OR51B5: variants seen among roughly 807,000 people sequenced by gnomAD.
The protein encoded by OR51B5 is olfactory receptor 51B5.
For synonymous variants in OR51B5, 186 were observed against 144.8 expected, an observed-to-expected ratio of 1.28 and a Z score of -2.04; for missense variants, 456 against 374.6, an observed-to-expected ratio of 1.22 and a Z score of -1.79.
intron 1 of OR51B5, among the ~76,000 whole-genome samples, chr11:5,415,001 C>A (rs1361696365): frequency 1.3e-5 from 2 of 152,036 alleles, no homozygotes; most frequent in African/African-American, 4.8e-5. Context: ...CACACCTATT[C>A]CAAAATTGAC....
At chr11:5,413,454 G>C (rs1564805456) in intron 1 of OR51B5, among the ~76,000 whole-genome samples, 2 of 152,192 alleles carry the variant, frequency 1.3e-5, no homozygotes, top group Non-Finnish European at 2.9e-5. Context: ...TTGATGACTT[G>C]AGAGAAAAAG....
upstream of OR51B5, chr11:5,346,164 C>G (rs1848987310): frequency 6.6e-6 from 1 of 152,130 alleles, no homozygotes; most frequent in South Asian, 2.1e-4. Flanking sequence ...ACAGGGAAAG[C>G]TAACCAAACT....
At chr11:5,432,750 A>G (rs1850549927) in intron 1 of OR51B5, among the ~76,000 whole-genome samples, 1 of 152,208 alleles carries the variant, frequency 6.6e-6, no homozygotes, top group Non-Finnish European at 1.5e-5. Context: ...AAATTGAATA[A>G]CAGGCCACAG....
chr11:5,460,399 A>G lies in OR51B5; in HGVS notation n.84+45170T>C, dbSNP rs531154769. ...TGTACCCTTGAACGTAAAAGTTTTG[A>G]AAAAAGAAATTCTTCTACTGAATTT... On this transcript the variant is annotated intron_variant and non_coding_transcript_variant, in intron 1 of 4. Coordinates refer to the OR51B5 transcript ENST00000415970. Among the ~76,000 whole-genome samples, 9 of 152,332 alleles carry G rather than the reference A, an allele frequency of 5.9e-5. No homozygotes were observed. The South Asian group carries it at 1.7e-3, about 28-fold the overall frequency.
chr11:5,363,927 T>C (rs899080629), intron 1 of OR51B5, among the ~76,000 whole-genome samples: 1 of 152,114 alleles, frequency 6.6e-6, no homozygotes, highest in Non-Finnish European at 1.5e-5. Flanking sequence ...AATAGGCAAC[T>C]CAGACCCATT....
chr11:5,454,588 T>A (rs1850924299), intron 1 of OR51B5: 3 of 589,972 alleles, frequency 5.1e-6, no homozygotes, highest in Non-Finnish European at 8.9e-6. Flanking sequence ...GAGTTCCAAA[T>A]GAATAGTACA....
At chr11:5,398,236 ATTAG>A (rs1174377450) in intron 1 of OR51B5, among the ~76,000 whole-genome samples, 1 of 152,242 alleles carries the variant, frequency 6.6e-6, no homozygotes, top group African/African-American at 2.4e-5. Context: ...ATTTACATAT[ATTAG>A]TTATTTAAAT....
chr11:5,457,666 C>G (rs1225490675), intron 1 of OR51B5, among the ~76,000 whole-genome samples: 3 of 152,186 alleles, frequency 2.0e-5, no homozygotes, highest in Non-Finnish European at 2.9e-5. Flanking sequence ...TCATTTCTCA[C>G]TGGTATGAGA....
chr11:5,417,372 G>A, intron 1 of OR51B5, among the ~76,000 whole-genome samples: 1 of 152,120 alleles, frequency 6.6e-6, no homozygotes, highest in East Asian at 1.9e-4. Flanking sequence ...CAAGGGCAAG[G>A]ACTTCAGGTC....
chr11:5,368,210 T>G (rs1212048706), intron 1 of OR51B5, among the ~76,000 whole-genome samples: 2 of 152,222 alleles, frequency 1.3e-5, no homozygotes, highest in South Asian at 4.1e-4. Context: ...AAACCTATTG[T>G]TTCATGCTTC....
intron 1 of OR51B5, among the ~76,000 whole-genome samples, chr11:5,446,143 C>T (rs983864167): frequency 6.6e-5 from 10 of 152,060 alleles, no homozygotes; most frequent in African/African-American, 1.7e-4. Flanking sequence ...TTAGGAGATA[C>T]ACCTAATGTA....
At chr11:5,385,766 TACAG>T (rs1564795620) in intron 1 of OR51B5, among the ~76,000 whole-genome samples, 1 of 148,432 alleles carries the variant, frequency 6.7e-6, no homozygotes, top group African/African-American at 2.5e-5. Context: ...TATATAAATA[TACAG>T]ACACATATAT....
chr11:5,424,838 C>T lies in OR51B5; in HGVS notation n.85-77928G>A, dbSNP rs1482605992. ...CTACTAAAAAATAGAAAAAATTAGC[C>T]GGGCGTGGTGGCGGGCGCCTATAGT... On this transcript the variant is annotated intron_variant and non_coding_transcript_variant, in intron 1 of 4. Transcript: ENST00000415970. Among the ~76,000 whole-genome samples, 4 of 105,130 alleles carry T rather than the reference C, an allele frequency of 3.8e-5. 2 individuals are homozygous for T. Among genetic ancestry groups the T allele is most frequent in the African/African-American group, 1.3e-4 (4 of 29,998 alleles). 69.0% of individuals were successfully genotyped at this position (105,130 alleles called of 152,430 possible). A position where few individuals can be genotyped will look rare whatever the true frequency, so the allele number is the denominator to read the frequency against.
At chr11:5,396,112 C>T (rs1452627623) in intron 1 of OR51B5, among the ~76,000 whole-genome samples, 4 of 152,194 alleles carry the variant, frequency 2.6e-5, no homozygotes, top group Non-Finnish European at 4.4e-5. Flanking sequence ...CCCAGAGACA[C>T]TGCTCTTAAC....
At chr11:5,494,331 G>A (rs1851619267) in intron 1 of OR51B5, among the ~76,000 whole-genome samples, 1 of 152,052 alleles carries the variant, frequency 6.6e-6, no homozygotes, top group South Asian at 2.1e-4. Context: ...CTCTTCCTCT[G>A]TGGACTTTAT....
chr11:5,469,131 C>A, intron 1 of OR51B5: 1 of 224,632 alleles, frequency 4.5e-6, no homozygotes, highest in Non-Finnish European at 8.9e-6. Flanking sequence ...GCCAGGCAGG[C>A]ATCAAAAGTT....
chr11:5,415,153 A>G (rs902167772), intron 1 of OR51B5, among the ~76,000 whole-genome samples: 1 of 152,194 alleles, frequency 6.6e-6, no homozygotes, highest in African/African-American at 2.4e-5. Context: ...ATGGAAACTG[A>G]ACAACCTGCT....
intron 1 of OR51B5, among the ~76,000 whole-genome samples, chr11:5,378,631 C>T (rs1243050764): frequency 6.6e-6 from 1 of 152,072 alleles, no homozygotes; most frequent in East Asian, 1.9e-4. Context: ...AACAAACAGC[C>T]CCATCAACAA....
At chr11:5,357,426 C>A (rs1564919304) in intron 1 of OR51B5, among the ~76,000 whole-genome samples, 1 of 151,184 alleles carries the variant, frequency 6.6e-6, no homozygotes, top group African/African-American at 2.4e-5. Context: ...GAAGAGCTAA[C>A]TATCCTAAAC....
Sources: gnomAD v4.1 joint callset for allele counts (sites outside exome capture counted in the v4.1 genomes callset) on GRCh38, gnomAD v4.1.1 for gene constraint, MANE v1.5 for transcripts, NCBI Gene and HGNC (gene_info 2026-07-23, HGNC 2026-07-21) for gene names.